Variants in MATN2 observed in about 807,000 individuals in gnomAD.
MATN2 encodes the protein matrilin-2.
Under a neutral mutation model 103.2 loss-of-function variants are expected in MATN2, and 69 were observed. The observed-to-expected ratio is 0.67, with a 90% CI of 0.55 to 0.82. The LOEUF (loss-of-function observed/expected upper bound fraction) is 0.82, where lower values mean the gene tolerates loss of function less well. MATN2 is among the 40% of genes least tolerant of loss of function. MATN2 has a pLI of 0.00. For synonymous variants in MATN2, 429 were observed against 450.2 expected (o/e 0.95, Z 0.60); for missense variants, 1,023 against 1,211.5 (o/e 0.84, Z 2.31).
At chr8:97,924,502 C>T (rs1809920390) in intron 2 of MATN2, among the ~76,000 whole-genome samples, 1 of 152,170 alleles carries the variant, frequency 6.6e-6, no homozygotes, top group Admixed American at 6.5e-5. Context: ...TGACTACTGT[C>T]CAGACTGTAG....
At chr8:98,030,664 C>CA in intron 15 of MATN2, 50 bp downstream of exon 15, 9 of 1,531,750 alleles carry the variant, frequency 5.9e-6, no homozygotes, top group Non-Finnish European at 8.0e-6. Flanking sequence ...GCATGAACTC[C>CA]TTTTTTTTTG....
chr8:98,032,231 T>C lies in MATN2; in HGVS notation c.2510-15T>C, dbSNP rs1814053779. The stretch of plus-strand genomic sequence containing the variant: ...GGACAACCATCACTTCTTTTGGTCA[T>C]CTTTTTCTGCTCAGCTCTAGAAGAC... On this transcript the variant is annotated splice_polypyrimidine_tract_variant and intron_variant, in intron 15 of 18. Coordinates refer to ENST00000254898, the MANE Select transcript of MATN2 (RefSeq NM_002380.5). 6.2e-7 allele frequency: 1 copy of C among 1,604,032 alleles called. No individual in the cohort carries two copies. The highest frequency in any genetic ancestry group is 1.1e-5 in the South Asian group (1 of 89,278).
intron 4 of MATN2, among the ~76,000 whole-genome samples, chr8:97,959,355 A>G (rs565574104): frequency 8.9e-4 from 136 of 152,316 alleles, no homozygotes; most frequent in Non-Finnish European, 1.2e-3. Context: ...ATGCGCTCAA[A>G]CCGTATTTAT....
rs548091790 is a variant in MATN2, at chr8:98,008,123, C to T, written c.1573+522C>T. Among the ~76,000 whole-genome samples, 10 of 152,194 alleles carry T rather than the reference C, an allele frequency of 6.6e-5. No homozygotes were observed. The South Asian group carries it at 1.5e-3, about 22-fold the overall frequency. ...GGGAGAAGAGGATGCTCCTGAGAAA[C>T]GCTTTGCCCTGCTTTCTGACCCCGG... is the stretch of plus-strand genomic sequence containing the variant. On this transcript the variant is annotated intron_variant, in intron 10 of 18. Coordinates refer to ENST00000254898, the MANE Select transcript of MATN2 (RefSeq NM_002380.5).
At chr8:97,954,148 AT>A (rs887319844) in intron 4 of MATN2, among the ~76,000 whole-genome samples, 1 of 152,074 alleles carries the variant, frequency 6.6e-6, no homozygotes, top group African/African-American at 2.4e-5. Context: ...CAAAGTCGAT[AT>A]TCTTTTCACC....
At chr8:98,022,370 C>T (rs1275974313) in intron 13 of MATN2, among the ~76,000 whole-genome samples, 1 of 149,398 alleles carries the variant, frequency 6.7e-6, no homozygotes, top group Admixed American at 6.6e-5. Flanking sequence ...CACACACACA[C>T]ACACACACAT....
At chr8:97,905,672 G>GT (rs1207073679) in intron 2 of MATN2, among the ~76,000 whole-genome samples, 4 of 151,810 alleles carry the variant, frequency 2.6e-5, no homozygotes, top group Admixed American at 2.0e-4. Flanking sequence ...TTTGTTTTTT[G>GT]TTTTTTTGAG....
At chr8:97,950,821 C>A (rs1008170189) in intron 4 of MATN2, 1 of 152,186 alleles carries the variant, frequency 6.6e-6, no homozygotes, top group Non-Finnish European at 1.5e-5. Context: ...CAAACAGATG[C>A]GTCCAAGAGA....
rs1812944742 is a variant in MATN2, at chr8:98,005,709, C to T, written c.1328-1396C>T. 2.0e-5 allele frequency among the ~76,000 whole-genome samples: 3 copies of T among 152,344 alleles called. No individual in the cohort carries two copies. Among genetic ancestry groups the T allele is most frequent in the Middle Eastern group, 3.4e-3 (1 of 292 alleles). On this transcript the variant is annotated intron_variant, in intron 8 of 18. Coordinates refer to ENST00000254898, the MANE Select transcript of MATN2 (RefSeq NM_002380.5). The surrounding 1 kb of genome is among the most constrained non-coding windows in gnomAD (Gnocchi z 4.6). Reference sequence around the variant, plus strand: ...AGCAAGCAATTCTGAGGCGCTCACTCTGTGCAGGCAATGCCCTGAGCACTT... The same window carrying T: ...AGCAAGCAATTCTGAGGCGCTCACTTTGTGCAGGCAATGCCCTGAGCACTT...
At chr8:97,874,042 C>T (rs1050942599) in intron 1 of MATN2, among the ~76,000 whole-genome samples, 7 of 152,238 alleles carry the variant, frequency 4.6e-5, no homozygotes, top group African/African-American at 1.7e-4. Flanking sequence ...AAAATGCCCT[C>T]ATGTCCAGAG....
At chr8:97,947,414 A>G (rs1810789346) in intron 4 of MATN2, among the ~76,000 whole-genome samples, 1 of 152,354 alleles carries the variant, frequency 6.6e-6, no homozygotes, top group Non-Finnish European at 1.5e-5. Flanking sequence ...GAGTTTAGCA[A>G]TGTTGCAAGA....
chr8:98,006,334 C>T (rs1260854599), intron 8 of MATN2, among the ~76,000 whole-genome samples: 1 of 152,236 alleles, frequency 6.6e-6, no homozygotes, highest in Non-Finnish European at 1.5e-5. Flanking sequence ...TTACTCAGCA[C>T]TACTTGATAA....
At chr8:97,871,140 A>G (rs1226038660) in intron 1 of MATN2, among the ~76,000 whole-genome samples, 1 of 152,190 alleles carries the variant, frequency 6.6e-6, no homozygotes, top group Non-Finnish European at 1.5e-5. Flanking sequence ...CGAGTGCCAT[A>G]TGTCCTTGTT....
At chr8:97,882,908 A>G (rs146241341) in intron 1 of MATN2, among the ~76,000 whole-genome samples, 288 of 152,092 alleles carry the variant, frequency 1.9e-3, no homozygotes, top group African/African-American at 6.7e-3. Flanking sequence ...GTGTTTTCAT[A>G]TGTTTATTTT....
In MATN2 at chr8:97,982,165, C is replaced by T. The variant is rs1812049835; in HGVS notation, c.1081+3157C>T. On this transcript the variant is annotated intron_variant, in intron 6 of 18. Transcript: ENST00000254898. This position sits in a 1 kb window ranked among gnomAD's most constrained non-coding sequence, Gnocchi z 4.3. Reference sequence around the variant, plus strand: ...GGAGCCAGACCCAGGAGGAGGGAGACAAGAGGAAGAAAGGAGACAGAGTAC... The same window carrying T: ...GGAGCCAGACCCAGGAGGAGGGAGATAAGAGGAAGAAAGGAGACAGAGTAC... 6.6e-6 allele frequency among the ~76,000 whole-genome samples: 1 copy of T among 151,958 alleles called. No homozygotes were observed. The highest frequency in any genetic ancestry group is 2.4e-5 in the African/African-American group (1 of 41,358).
rs143401530 is a variant in MATN2, at chr8:98,005,474, G to C, written c.1328-1631G>C. Among the ~76,000 whole-genome samples, 546 of 152,274 alleles carry C rather than the reference G, an allele frequency of 3.6e-3. 4 individuals carry two copies. Among genetic ancestry groups the C allele is most frequent in the African/African-American group, 0.012 (511 of 41,554 alleles). On this transcript the variant is annotated intron_variant, in intron 8 of 18. Coordinates refer to ENST00000254898, the MANE Select transcript of MATN2 (RefSeq NM_002380.5). The surrounding 1 kb of genome is among the most constrained non-coding windows in gnomAD (Gnocchi z 4.6). ...CTGGCTGAGCCCACGCAGATCACCA[G>C]GGACATGGCTTGACTGCCCCTCCCA... is the stretch of plus-strand genomic sequence containing the variant.
intron 7 of MATN2, among the ~76,000 whole-genome samples, chr8:97,995,031 A>G (rs556754612): frequency 6.6e-6 from 1 of 152,310 alleles, no homozygotes; most frequent in African/African-American, 2.4e-5. Context: ...GATAGGAAAG[A>G]AGAAGAAAAA....
intron 5 of MATN2, among the ~76,000 whole-genome samples, chr8:97,969,617 G>A (rs1324522039): frequency 2.0e-5 from 3 of 152,172 alleles, no homozygotes; most frequent in Admixed American, 1.3e-4. Context: ...AAGGCTGGGG[G>A]AGAGAAAGAA....
intron 3 of MATN2, among the ~76,000 whole-genome samples, chr8:97,937,050 G>A (rs1218192840): frequency 6.6e-6 from 1 of 152,116 alleles, no homozygotes; most frequent in Non-Finnish European, 1.5e-5. Context: ...TCCTTCTCCA[G>A]TCCACAGTCA....
Sources: allele counts gnomAD v4.1 joint callset (sites outside exome capture counted in the v4.1 genomes callset), GRCh38; gene constraint gnomAD v4.1.1; non-coding constraint Gnocchi (gnomAD v3.1); transcripts MANE v1.5; gene names NCBI Gene and HGNC (gene_info 2026-07-23, HGNC 2026-07-21).